RASGEF1C: variants seen among roughly 807,000 people sequenced by gnomAD.
The protein encoded by RASGEF1C is ras-GEF domain-containing family member 1C.
RASGEF1C carries 27 observed loss-of-function variants against 58.1 expected under a neutral mutation model. That is an observed-to-expected ratio of 0.46 (90% CI 0.34 to 0.64). The LOEUF is 0.64. Among genes scored for constraint, RASGEF1C ranks in the 30% least tolerant of loss-of-function variants. The pLI, the probability that RASGEF1C is intolerant of heterozygous loss-of-function variation, is 0.01. For synonymous variants in RASGEF1C, 243 were observed against 246.3 expected (o/e 0.99, Z 0.13); for missense variants, 502 against 605.1 (o/e 0.83, Z 1.79).
At position 180,128,599 on chromosome 5, in the gene RASGEF1C, C is replaced by T. The variant is rs1766306080; in HGVS notation, c.450G>A (p.Lys150=). The T allele has an allele frequency of 1.9e-6, 3 of 1,613,808 alleles. No homozygotes were observed. The highest frequency in any genetic ancestry group is 2.2e-5 in the South Asian group (2 of 91,080). ...RIAPCDEAYR[K]RMHQLLQALH... is the part of the protein sequence containing the mutation. ...GAGCCTGTAGGAGCTGATGCATCCT[C>T]TTCCGGTATGCCTGGTGGGTGGAAA... is the stretch of plus-strand genomic sequence containing the variant. Residue 150 remains lysine, a synonymous_variant, in exon 5 of 14, where the codon AAG becomes AAA. Transcript: ENST00000361132.
At chr5:180,152,688 A>C (rs1270470629) in intron 1 of RASGEF1C, among the ~76,000 whole-genome samples, 2 of 151,058 alleles carry the variant, frequency 1.3e-5, no homozygotes, top group African/African-American at 2.4e-5. Flanking sequence ...CGTTATGCAC[A>C]TGTACCCTAG....
chr5:180,116,948 C>T (rs534060703), intron 10 of RASGEF1C, among the ~76,000 whole-genome samples: 5 of 152,356 alleles, frequency 3.3e-5, no homozygotes, highest in South Asian at 4.1e-4. Context: ...TGAGGTCTCC[C>T]GCCCGAGACT....
chr5:180,147,526 G>C (rs979137230), intron 1 of RASGEF1C, among the ~76,000 whole-genome samples: 1 of 151,928 alleles, frequency 6.6e-6, no homozygotes, highest in Non-Finnish European at 1.5e-5. Context: ...AAGTATTTTC[G>C]AATTTCCCTT....
chr5:180,129,832 A>G (rs12514468), intron 4 of RASGEF1C, among the ~76,000 whole-genome samples: 1 of 152,150 alleles, frequency 6.6e-6, no homozygotes, highest in African/African-American at 2.4e-5. Flanking sequence ...CCTTGAGGAC[A>G]TGAGGATGTC....
chr5:180,182,156 G>A (rs1767346590), intron 1 of RASGEF1C, among the ~76,000 whole-genome samples: 1 of 124,166 alleles, frequency 8.1e-6, no homozygotes, highest in Non-Finnish European at 1.6e-5. Flanking sequence ...AGTGAGTCGA[G>A]ATCGCGCCAC....
intron 1 of RASGEF1C, among the ~76,000 whole-genome samples, chr5:180,160,735 C>CTG (rs1766926969): frequency 6.6e-6 from 1 of 152,084 alleles, no homozygotes; most frequent in Non-Finnish European, 1.5e-5. Flanking sequence ...AGTATTTCTC[C>CTG]AGTAAGGGTC....
At chr5:180,173,222 G>C (rs556971158) in intron 1 of RASGEF1C, among the ~76,000 whole-genome samples, 1 of 152,364 alleles carries the variant, frequency 6.6e-6, no homozygotes, top group South Asian at 2.1e-4. Flanking sequence ...AAACTCAGAA[G>C]AGCCAGCTAC....
chr5:180,160,316 T>C (rs1308225200), intron 1 of RASGEF1C, among the ~76,000 whole-genome samples: 1 of 152,218 alleles, frequency 6.6e-6, no homozygotes, highest in Non-Finnish European at 1.5e-5. Context: ...CCATGTGCAG[T>C]TGGCCTCTGG....
chr5:180,190,330 A>T (rs1318565219), intron 1 of RASGEF1C, among the ~76,000 whole-genome samples: 3 of 151,644 alleles, frequency 2.0e-5, no homozygotes, highest in South Asian at 2.1e-4. Context: ...TACTAAAAAC[A>T]AAACAAAAAA....
intron 1 of RASGEF1C, among the ~76,000 whole-genome samples, chr5:180,186,838 T>G (rs1307551457): frequency 6.6e-6 from 1 of 152,200 alleles, no homozygotes; most frequent in African/African-American, 2.4e-5. Context: ...CAGTGGCACA[T>G]GCCTGTAATG....
intron 10 of RASGEF1C, among the ~76,000 whole-genome samples, chr5:180,117,611 ACT>A (rs963128939): frequency 6.6e-6 from 1 of 152,068 alleles, no homozygotes; most frequent in African/African-American, 2.4e-5. Context: ...CCTGTGCATG[ACT>A]CTCTGTACCA....
At chr5:180,121,783 C>T (rs937178006) in intron 6 of RASGEF1C, among the ~76,000 whole-genome samples, 2 of 152,042 alleles carry the variant, frequency 1.3e-5, no homozygotes, top group African/African-American at 4.8e-5. Context: ...TCTGTACACA[C>T]GTGTGCGGTG....
At chr5:180,152,631 TGC>T in intron 1 of RASGEF1C, among the ~76,000 whole-genome samples, 2 of 148,268 alleles carry the variant, frequency 1.3e-5, no homozygotes, top group African/African-American at 5.0e-5. Flanking sequence ...AGTTAATGGG[TGC>T]AGCACACCAA....
intron 1 of RASGEF1C, among the ~76,000 whole-genome samples, chr5:180,178,032 T>C (rs1767259604): frequency 6.6e-6 from 1 of 151,692 alleles, no homozygotes; most frequent in African/African-American, 2.4e-5. Flanking sequence ...AGTGGCATGA[T>C]CTCGGCTCAC....
chr5:180,105,387 C>T (rs540553989), intron 12 of RASGEF1C, among the ~76,000 whole-genome samples: 1 of 151,286 alleles, frequency 6.6e-6, no homozygotes, highest in East Asian at 2.0e-4. Context: ...ACGGTGAAAC[C>T]CCGTCTCTAC....
At chr5:180,187,198 G>A (rs1335923022) in intron 1 of RASGEF1C, among the ~76,000 whole-genome samples, 3 of 152,066 alleles carry the variant, frequency 2.0e-5, no homozygotes, top group African/African-American at 7.2e-5. Context: ...ATGTTGCTGG[G>A]ACAACTGGAA....
In RASGEF1C at chr5:180,152,865, T is replaced by C. The variant is rs952827621; in HGVS notation, c.-6-14807A>G. On this transcript the variant is annotated intron_variant, in intron 1 of 13. Coordinates refer to ENST00000361132, the MANE Select transcript of RASGEF1C (RefSeq NM_175062.4). ...GGCGGAAGTTGCAGTGGGCCGAGAT[T>C]GCGCCACTGCACTCCAGCCTGGGCA... Among the ~76,000 whole-genome samples the C allele has an allele frequency of 5.5e-5, 8 of 144,164 alleles. 1 individual carries two copies. The highest frequency in any genetic ancestry group is 1.6e-4 in the African/African-American group (6 of 37,956). 94.6% of individuals were successfully genotyped at this position (144,164 alleles called of 152,430 possible).
rs1767250739 is a variant in RASGEF1C, at chr5:180,177,522, G to A, written c.-7+31506C>T. Among the ~76,000 whole-genome samples the A allele has an allele frequency of 6.6e-6, 1 of 152,244 alleles. No individual in the cohort carries two copies. Among genetic ancestry groups the A allele is most frequent in the African/African-American group, 2.4e-5 (1 of 41,472 alleles). ...CTCAGCCCTGCTGCAGCTGTCCAAG[G>A]CCATGGCCTCTGCGGCTTCTGCCTG... On this transcript the variant is annotated intron_variant, in intron 1 of 13. Coordinates refer to ENST00000361132, the MANE Select transcript of RASGEF1C (RefSeq NM_175062.4). This position sits in a 1 kb window ranked among gnomAD's most constrained non-coding sequence, Gnocchi z 5.0.
Position 180,171,492 on chromosome 5 carries a change from C to T in RASGEF1C, c.-6-33434G>A, listed in dbSNP as rs561474092. Among the ~76,000 whole-genome samples, 27 of 152,250 alleles carry T rather than the reference C, an allele frequency of 1.8e-4. No homozygotes were observed. The East Asian group carries it at 3.1e-3, about 18-fold the overall frequency. The stretch of plus-strand genomic sequence containing the variant: ...AGAGCCCACCTCCGAGGCCGAGGGA[C>T]GTGCTGAAATAACTGTCACACGTGT... On this transcript the variant is annotated intron_variant, in intron 1 of 13. Transcript: ENST00000361132.
Sources: gnomAD v4.1 joint callset for allele counts (sites outside exome capture counted in the v4.1 genomes callset) on GRCh38, gnomAD v4.1.1 for gene constraint, Gnocchi (gnomAD v3.1) non-coding constraint, MANE v1.5 for transcripts, NCBI Gene and HGNC (gene_info 2026-07-23, HGNC 2026-07-21) for gene names.